The following IFIT1 variants were observed in gnomAD, a reference collection of about 807,000 sequenced individuals.
The protein encoded by IFIT1 is antiviral innate immune response effector IFIT1.
Under a neutral mutation model 2.5 loss-of-function variants are expected in IFIT1, and 1 was observed. The ratio of observed to expected loss-of-function variants is 0.40; its 90% CI spans 0.14 to 1.92. The LOEUF (loss-of-function observed/expected upper bound fraction) is 1.92, where lower values mean the gene tolerates loss of function less well. IFIT1 is among the 40% of genes most tolerant of loss of function. IFIT1 has a pLI of 0.31. For missense variants in IFIT1, 508 were observed against 557.8 expected (o/e 0.91, Z 0.90); for synonymous variants, 191 against 201.7 (o/e 0.95, Z 0.45).
chr10:89,401,834 C>T (rs1462120468), intron 1 of IFIT1, among the ~76,000 whole-genome samples: 5 of 150,158 alleles, frequency 3.3e-5, no homozygotes, highest in Non-Finnish European at 7.4e-5. Context: ...TTCATGTGGT[C>T]TTAATTTGTT....
rs1844512527 is a variant in IFIT1, at chr10:89,405,313, A to T, written c.*1601A>T. On this transcript the variant is annotated 3_prime_UTR_variant, in exon 2 of 2. Coordinates refer to ENST00000371804, the MANE Select transcript of IFIT1 (RefSeq NM_001548.5). The stretch of plus-strand genomic sequence containing the variant: ...TGAAAATGTTGCTAAATCAGAGATC[A>T]TGGGTAACAATCACCTTTGATTATG... The T allele has an allele frequency of 6.6e-6, 1 of 152,272 alleles. No individual in the cohort carries two copies. Among genetic ancestry groups the T allele is most frequent in the Non-Finnish European group, 1.5e-5 (1 of 68,048 alleles). 9.4% of individuals were successfully genotyped at this position (152,272 alleles called of 1,614,324 possible). A position where few individuals can be genotyped will look rare whatever the true frequency, so the allele number is the denominator to read the frequency against.
intron 1 of IFIT1, among the ~76,000 whole-genome samples, chr10:89,394,849 T>A (rs943712896): frequency 3.3e-5 from 5 of 152,056 alleles, no homozygotes; most frequent in African/African-American, 1.2e-4. Flanking sequence ...CCTACTTGCC[T>A]CTTTCCCCAG....
chr10:89,392,781 C>CCAT, intron 1 of IFIT1, 64 bp downstream of exon 1: 1 of 1,531,572 alleles, frequency 6.5e-7, no homozygotes, highest in Non-Finnish European at 9.0e-7. Context: ...TAATTAAATA[C>CCAT]TATTTCAACA....
intron 1 of IFIT1, among the ~76,000 whole-genome samples, chr10:89,396,498 C>A (rs985810944): frequency 6.6e-6 from 1 of 152,106 alleles, no homozygotes; most frequent in Admixed American, 6.5e-5. Flanking sequence ...ATTATAACAA[C>A]CCATTCTCAA....
intron 1 of IFIT1, among the ~76,000 whole-genome samples, chr10:89,396,181 T>C (rs1480443304): frequency 6.6e-6 from 1 of 152,172 alleles, no homozygotes. Flanking sequence ...CACCACATTG[T>C]TTTCCACAGC....
rs1272224849 is a variant in IFIT1, at chr10:89,403,943, A to G, written c.*231A>G. 2.6e-6 allele frequency: 1 copy of G among 388,582 alleles called. No individual in the cohort carries two copies. The highest frequency in any genetic ancestry group is 2.1e-5 in the African/African-American group (1 of 48,138). The allele number at this position is 388,582 out of a possible 1,614,324, so 24.1% of individuals were successfully genotyped here. ...ATGAGTGCTATGTAGTAGAGAAAAA[A>G]TGTTAGTTAACTTTGTAGGAAATAA... On this transcript the variant is annotated 3_prime_UTR_variant, in exon 2 of 2. Coordinates refer to ENST00000371804, the MANE Select transcript of IFIT1 (RefSeq NM_001548.5).
intron 1 of IFIT1, among the ~76,000 whole-genome samples, chr10:89,399,306 C>T (rs1005667629): frequency 3.3e-5 from 5 of 152,046 alleles, no homozygotes; most frequent in African/African-American, 1.2e-4. Context: ...CAAATATTTT[C>T]CTTCATTCTG....
intron 1 of IFIT1, among the ~76,000 whole-genome samples, chr10:89,400,721 A>G (rs1169718532): frequency 6.6e-6 from 1 of 152,202 alleles, no homozygotes; most frequent in East Asian, 1.9e-4. Flanking sequence ...AGATAATCTT[A>G]CTTCTTCCTT....
chr10:89,399,811 G>A (rs879688460), intron 1 of IFIT1, among the ~76,000 whole-genome samples: 2 of 151,944 alleles, frequency 1.3e-5, no homozygotes, highest in South Asian at 2.1e-4. Context: ...AAATAAAATC[G>A]TAAGAGTGAG....
At chr10:89,397,035 G>A (rs1844354248) in intron 1 of IFIT1, among the ~76,000 whole-genome samples, 1 of 152,110 alleles carries the variant, frequency 6.6e-6, no homozygotes, top group East Asian at 1.9e-4. Context: ...AAATAGGGTC[G>A]TGTTTTGGAC....
chr10:89,404,083 C>G lies in IFIT1; in HGVS notation c.*371C>G, dbSNP rs1390516025. On this transcript the variant is annotated 3_prime_UTR_variant, in exon 2 of 2. Transcript: ENST00000371804. ...CTCTTGGCCAAGGAGACCCCAGAAA[C>G]CTTAAAAACTAAGTTTCCCAACCAT... The G allele has an allele frequency of 6.2e-6, 1 of 162,564 alleles. No homozygotes were observed. Among genetic ancestry groups the G allele is most frequent in the Non-Finnish European group, 1.3e-5 (1 of 75,438 alleles). The allele number at this position is 162,564 out of a possible 1,614,324, so 10.1% of individuals were successfully genotyped here.
Position 89,405,091 on chromosome 10 carries a change from C to G in IFIT1, c.*1379C>G, listed in dbSNP as rs1234633211. 1 of 152,226 alleles carries G rather than the reference C, an allele frequency of 6.6e-6. No individual in the cohort carries two copies. The highest frequency in any genetic ancestry group is 1.5e-5 in the Non-Finnish European group (1 of 68,036). The allele number at this position is 152,226 out of a possible 1,614,324, so 9.4% of individuals were successfully genotyped here. On this transcript the variant is annotated 3_prime_UTR_variant, in exon 2 of 2. Coordinates refer to ENST00000371804, the MANE Select transcript of IFIT1 (RefSeq NM_001548.5). ...GCACATATTCTTCCCAAACCTCATG[C>G]AGTTTACAATCTAGTGAGAGACACA...
intron 1 of IFIT1, among the ~76,000 whole-genome samples, chr10:89,397,314 AT>A (rs1482419786): frequency 6.8e-6 from 1 of 146,796 alleles, no homozygotes; most frequent in Non-Finnish European, 1.5e-5. Context: ...AGGAAATGTA[AT>A]TTTAATGACC....
At chr10:89,400,129 G>A (rs1844401800) in intron 1 of IFIT1, among the ~76,000 whole-genome samples, 1 of 152,072 alleles carries the variant, frequency 6.6e-6, no homozygotes, top group African/African-American at 2.4e-5. Flanking sequence ...TATTTCACTG[G>A]TCTATACATC....
intron 1 of IFIT1, among the ~76,000 whole-genome samples, chr10:89,401,454 G>A (rs964045436): frequency 6.6e-6 from 1 of 152,082 alleles, no homozygotes; most frequent in African/African-American, 2.4e-5. Flanking sequence ...AAATTACAGA[G>A]ATGAAGAACA....
Position 89,403,799 on chromosome 10 carries a change from C to T in IFIT1, c.*87C>T. ...CTTTTCTGCTTACTGTTTTCAGAAA[C>T]ATTATAATTCACTGTAATGATGTAA... On this transcript the variant is annotated 3_prime_UTR_variant, in exon 2 of 2. Coordinates refer to ENST00000371804, the MANE Select transcript of IFIT1 (RefSeq NM_001548.5). The T allele has an allele frequency of 1.4e-6, 1 of 722,416 alleles. No individual in the cohort carries two copies. Among genetic ancestry groups the T allele is most frequent in the Non-Finnish European group, 2.3e-6 (1 of 439,676 alleles). The allele number at this position is 722,416 out of a possible 1,614,324, so 44.8% of individuals were successfully genotyped here. A position where few individuals can be genotyped will look rare whatever the true frequency, so the allele number is the denominator to read the frequency against.
chr10:89,393,171 C>T (rs1314627075), intron 1 of IFIT1: 1 of 1,290,532 alleles, frequency 7.7e-7, no homozygotes, highest in Non-Finnish European at 1.0e-6. Flanking sequence ...TGCAGCCTCT[C>T]TGATGTCTTG....
chr10:89,393,535 C>A (rs1844289642), intron 1 of IFIT1, among the ~76,000 whole-genome samples: 1 of 152,150 alleles, frequency 6.6e-6, no homozygotes, highest in African/African-American at 2.4e-5. Context: ...GAGTTGGAGC[C>A]CATCCTGGCC....
At chr10:89,395,208 G>A (rs2133617290) in intron 1 of IFIT1, among the ~76,000 whole-genome samples, 1 of 127,946 alleles carries the variant, frequency 7.8e-6, no homozygotes, top group East Asian at 2.6e-4. Flanking sequence ...GGACCAGGCA[G>A]ATGTGCTGCA....
Sources: allele counts gnomAD v4.1 joint callset (sites outside exome capture counted in the v4.1 genomes callset), GRCh38; gene constraint gnomAD v4.1.1; transcripts MANE v1.5; gene names NCBI Gene and HGNC (gene_info 2026-07-23, HGNC 2026-07-21).